Variants in GPC5 observed in about 807,000 individuals in gnomAD.
GPC5 encodes glypican-5.
A neutral mutation model predicts 53.9 loss-of-function variants in GPC5; 47 were observed. The ratio of observed to expected loss-of-function variants is 0.87; its 90% CI spans 0.69 to 1.11. The LOEUF (loss-of-function observed/expected upper bound fraction) is 1.11. GPC5 is among the 50% of genes most tolerant of loss of function. The pLI, the probability that GPC5 is intolerant of heterozygous loss-of-function variation, is 0.00. For missense variants in GPC5, 748 were observed against 713.1 expected (o/e 1.05, Z -0.56); for synonymous variants, 286 against 263.3 (o/e 1.09, Z -0.84).
intron 7 of GPC5, among the ~76,000 whole-genome samples, chr13:92,631,551 C>A (rs913723949): frequency 3.3e-5 from 5 of 152,040 alleles, no homozygotes; most frequent in Non-Finnish European, 7.4e-5. Flanking sequence ...GTTCTCTGTA[C>A]ATCAAAGGAG....
intron 7 of GPC5, among the ~76,000 whole-genome samples, chr13:92,765,679 C>G (rs1875377529): frequency 6.6e-6 from 1 of 152,124 alleles, no homozygotes; most frequent in African/African-American, 2.4e-5. Flanking sequence ...ACCAAGCAAT[C>G]TGAATTCAAA....
At chr13:92,058,531 A>G (rs1242067385) in intron 6 of GPC5, among the ~76,000 whole-genome samples, 1 of 152,168 alleles carries the variant, frequency 6.6e-6, no homozygotes, top group Non-Finnish European at 1.5e-5. Flanking sequence ...TATCACTCAA[A>G]GTCTGTAGTT....
chr13:91,546,951 G>T (rs1048042737), intron 2 of GPC5, among the ~76,000 whole-genome samples: 1 of 152,026 alleles, frequency 6.6e-6, no homozygotes, highest in Non-Finnish European at 1.5e-5. Flanking sequence ...TAAGAATGGT[G>T]AGAAGGGAAA....
chr13:91,806,212 T>A (rs2038218665), intron 5 of GPC5, among the ~76,000 whole-genome samples: 1 of 151,244 alleles, frequency 6.6e-6, no homozygotes, highest in Non-Finnish European at 1.5e-5. Context: ...ATTTTTTGTG[T>A]TTTAGTAGAG....
intron 5 of GPC5, among the ~76,000 whole-genome samples, chr13:91,795,690 C>T (rs2038035585): frequency 6.6e-6 from 1 of 152,108 alleles, no homozygotes; most frequent in African/African-American, 2.4e-5. Context: ...TGCGAGTATA[C>T]TTGGTGAATG....
chr13:92,855,792 T>C (rs1209269034), intron 7 of GPC5, among the ~76,000 whole-genome samples: 2 of 151,926 alleles, frequency 1.3e-5, no homozygotes, highest in East Asian at 1.9e-4. Flanking sequence ...CCTCCCAAGA[T>C]TGAATCAGGA....
At chr13:92,204,845 C>T (rs2042321422) in intron 7 of GPC5, among the ~76,000 whole-genome samples, 1 of 152,034 alleles carries the variant, frequency 6.6e-6, no homozygotes, top group Non-Finnish European at 1.5e-5. Flanking sequence ...AGCATTGAGA[C>T]CTAGAGGTTT....
intron 7 of GPC5, among the ~76,000 whole-genome samples, chr13:92,491,720 A>C (rs1879768688): frequency 6.6e-6 from 1 of 152,152 alleles, no homozygotes; most frequent in African/African-American, 2.4e-5. Context: ...TTCTACCTGA[A>C]TATTACTCTA....
At chr13:92,771,745 T>C (rs1875624417) in intron 7 of GPC5, among the ~76,000 whole-genome samples, 1 of 152,184 alleles carries the variant, frequency 6.6e-6, no homozygotes, top group South Asian at 2.1e-4. Flanking sequence ...TAAATGTATT[T>C]CTTGGAGATC....
intron 5 of GPC5, among the ~76,000 whole-genome samples, chr13:91,798,497 C>T (rs2038082942): frequency 6.6e-6 from 1 of 152,134 alleles, no homozygotes; most frequent in Non-Finnish European, 1.5e-5. Flanking sequence ...CAGCTCCATC[C>T]ATGTCCCTGC....
intron 7 of GPC5, among the ~76,000 whole-genome samples, chr13:92,418,093 T>C (rs1013918129): frequency 1.3e-5 from 2 of 152,142 alleles, no homozygotes; most frequent in Non-Finnish European, 2.9e-5. Context: ...ATTTTTAGAA[T>C]TGGTGAATTT....
intron 6 of GPC5, among the ~76,000 whole-genome samples, chr13:92,038,085 C>T (rs1370560096): frequency 1.3e-5 from 2 of 151,920 alleles, no homozygotes; most frequent in Non-Finnish European, 2.9e-5. Context: ...GAGGTGGTGG[C>T]ATGTGATTGG....
intron 5 of GPC5, among the ~76,000 whole-genome samples, chr13:91,907,537 G>C (rs2039567657): frequency 8.8e-6 from 1 of 114,146 alleles, no homozygotes; most frequent in Admixed American, 9.1e-5. Flanking sequence ...TATATATGTA[G>C]TAGCCTAATA....
intron 1 of GPC5, among the ~76,000 whole-genome samples, chr13:91,433,645 G>A (rs1365380716): frequency 2.6e-5 from 4 of 152,022 alleles, no homozygotes; most frequent in African/African-American, 7.2e-5. Context: ...ATTGTGAATA[G>A]TGCCACAATA....
intron 6 of GPC5, among the ~76,000 whole-genome samples, chr13:91,915,436 G>A (rs1326691356): frequency 3.0e-4 from 46 of 151,888 alleles, no homozygotes; most frequent in Non-Finnish European, 2.2e-4. Flanking sequence ...TTTTTTTAAA[G>A]TAATGGGATT....
chr13:92,486,195 T>G (rs747135205), intron 7 of GPC5, among the ~76,000 whole-genome samples: 15 of 152,146 alleles, frequency 9.9e-5, no homozygotes, highest in Non-Finnish European at 1.9e-4. Context: ...TAATGCTGGT[T>G]AAAATGATAG....
At chr13:92,115,185 A>C (rs1003965018) in intron 6 of GPC5, among the ~76,000 whole-genome samples, 7 of 152,204 alleles carry the variant, frequency 4.6e-5, no homozygotes, top group Non-Finnish European at 1.0e-4. Flanking sequence ...ATAAATGCAT[A>C]GTCATGTAAC....
intron 4 of GPC5, among the ~76,000 whole-genome samples, chr13:91,750,246 A>G (rs1041344807): frequency 2.0e-5 from 3 of 152,216 alleles, no homozygotes; most frequent in African/African-American, 4.8e-5. Flanking sequence ...CTTTGAATAA[A>G]TATTCAGATG....
At chr13:92,563,666 A>G (rs968385530) in intron 7 of GPC5, among the ~76,000 whole-genome samples, 2 of 152,026 alleles carry the variant, frequency 1.3e-5, no homozygotes, top group Non-Finnish European at 2.9e-5. Flanking sequence ...CATTTTAGTG[A>G]GTGAAAAACT....
Sources: gnomAD v4.1 joint callset for allele counts (sites outside exome capture counted in the v4.1 genomes callset) on GRCh38, gnomAD v4.1.1 for gene constraint, MANE v1.5 for transcripts, NCBI Gene and HGNC (gene_info 2026-07-23, HGNC 2026-07-21) for gene names.